HGH1: variants seen among roughly 807,000 people sequenced by gnomAD.
HGH1 encodes co-chaperone protein HGH1 homolog.
Under a neutral mutation model 31.7 loss-of-function variants are expected in HGH1, and 31 were observed. The ratio of observed to expected loss-of-function variants is 0.98; its 90% confidence interval spans 0.73 to 1.32. HGH1 has a LOEUF of 1.32. HGH1 is among the 40% of genes most tolerant of loss of function. The probability of loss-of-function intolerance (pLI) is 0.00; values close to 1 mark genes in which losing one functional copy is unlikely to be tolerated. For missense variants in HGH1, 618 were observed against 594.4 expected, an observed-to-expected ratio of 1.04 and a Z score of -0.41; for synonymous variants, 284 against 293.6, an observed-to-expected ratio of 0.97 and a Z score of 0.34.
In HGH1 at chr8:144,138,076, G is replaced by A. The variant is rs1815120240; in HGVS notation, c.241G>A (p.Ala81Thr). Residue 81 changes from alanine (A) to threonine (T), a missense_variant, in exon 1 of 6, where the codon GCC becomes ACC. By Grantham distance (58) the Ala-to-Thr change is moderately conservative. Transcript: ENST00000347708. Reference protein sequence around the residue: ...LAPASAPARDAARALVNLAAD... With the variant: ...LAPASAPARDTARALVNLAAD... ...GCCGGCCTCTGCCCCGGCCCGGGAC[G>A]CCGCCCGCGCGCTCGTGAACTTGGC... The A allele has an allele frequency of 5.3e-6, 7 of 1,313,760 alleles. No homozygotes were observed. The highest frequency in any genetic ancestry group is 4.7e-5 in the African/African-American group (3 of 63,838). 81.4% of individuals were successfully genotyped at this position (1,313,760 alleles called of 1,614,324 possible).
chr8:144,139,179 A>G lies in HGH1; in HGVS notation c.886-10A>G. 2.5e-6 allele frequency: 4 copies of G among 1,613,780 alleles called. No homozygotes were observed. The highest frequency in any genetic ancestry group is 3.4e-6 in the Non-Finnish European group (4 of 1,179,836). ...TGCTGACATCTGGGTAACCTCTTCCACCTCCTCAGCTGACAGCCACAGCAC... is the reference window on the plus strand; with the variant it reads ...TGCTGACATCTGGGTAACCTCTTCCGCCTCCTCAGCTGACAGCCACAGCAC... On this transcript the variant is annotated splice_polypyrimidine_tract_variant and intron_variant, in intron 4 of 5. Transcript: ENST00000347708.
In HGH1 at chr8:144,138,625, C is replaced by T. The variant is rs762457616; in HGVS notation, c.694+18C>T. 3 of 1,601,960 alleles carry T rather than the reference C, an allele frequency of 1.9e-6. No individual in the cohort carries two copies. The highest frequency in any genetic ancestry group is 2.2e-5 in the South Asian group (2 of 89,488). On this transcript the variant is annotated intron_variant, in intron 2 of 5. Transcript: ENST00000347708. ...CGAGCACCGTGAGTGGTGGGTGTGG[C>T]GGGGGTGCGTTGCCAGGTGTGGGGA...
intron 3 of HGH1, 35 bp from the exon 4 acceptor site, chr8:144,138,974 C>G: frequency 6.2e-7 from 1 of 1,609,772 alleles, no homozygotes; most frequent in Non-Finnish European, 8.5e-7. Context: ...CTGCCCAGCC[C>G]AGGGACACAG....
In HGH1 at chr8:144,139,203, A is replaced by G; in HGVS notation, c.900A>G (p.Ala300=). Residue 300 remains alanine, a synonymous_variant, in exon 5 of 6, where the codon GCA becomes GCG. Transcript: ENST00000347708. ...VEAIMLLTAT[A]PGRQQVRDQG... ...CACCTCCTCAGCTGACAGCCACAGCACCAGGTCGGCAGCAGGTGCGGGACC... is the reference window on the plus strand; with the variant it reads ...CACCTCCTCAGCTGACAGCCACAGCGCCAGGTCGGCAGCAGGTGCGGGACC... 6.2e-7 allele frequency: 1 copy of G among 1,613,952 alleles called. No individual in the cohort carries two copies. The highest frequency in any genetic ancestry group is 8.5e-7 in the Non-Finnish European group (1 of 1,179,856).
Position 144,139,330 on chromosome 8 carries a change from A to G in HGH1, c.1008+19A>G, listed in dbSNP as rs1815152814. ...CATCCAGGTTGGTGCAGGGTTGGAGAGGCTGGGGAAGGGGTGTCTGTAGCT... is the reference window on the plus strand; with the variant it reads ...CATCCAGGTTGGTGCAGGGTTGGAGGGGCTGGGGAAGGGGTGTCTGTAGCT... On this transcript the variant is annotated intron_variant, in intron 5 of 5. Coordinates refer to ENST00000347708, the MANE Select transcript of HGH1 (RefSeq NM_016458.4). The G allele has an allele frequency of 6.2e-7, 1 of 1,613,738 alleles. No homozygotes were observed. The highest frequency in any genetic ancestry group is 8.5e-7 in the Non-Finnish European group (1 of 1,179,826).
rs1815119059 is a variant in HGH1, at chr8:144,138,018, G to C, written c.183G>C (p.Gln61His). Residue 61 changes from glutamine to histidine, a missense_variant, in exon 1 of 6, where the codon CAG becomes CAC. Physicochemically the swap from Gln to His is conservative, Grantham distance 24. Coordinates refer to ENST00000347708, the MANE Select transcript of HGH1 (RefSeq NM_016458.4). ...CCGGCCGCGCGCTGTTGGCGGGGCA[G>C]GCGGCGCTGCTGCAGGCGCTGATGG... ...CGPGRALLAG[Q>H]AALLQALMEL... The C allele has an allele frequency of 2.3e-6, 3 of 1,307,096 alleles. No individual in the cohort carries two copies. The highest frequency in any genetic ancestry group is 9.7e-7 in the Non-Finnish European group (1 of 1,027,120). The allele number at this position is 1,307,096 out of a possible 1,614,324, so 81.0% of individuals were successfully genotyped here.
In HGH1 at chr8:144,139,661, G is replaced by T; in HGVS notation, c.*109G>T. On this transcript the variant is annotated 3_prime_UTR_variant, in exon 6 of 6. Coordinates refer to ENST00000347708, the MANE Select transcript of HGH1 (RefSeq NM_016458.4). ...CCCTGGGTCCCCTTGTTCAGAGACT[G>T]TGCTCTTCTGAGAAGCAGAGCTACG... 5.5e-6 allele frequency: 8 copies of T among 1,458,010 alleles called. No individual in the cohort carries two copies. The highest frequency in any genetic ancestry group is 7.4e-6 in the Non-Finnish European group (8 of 1,080,534). 90.3% of individuals were successfully genotyped at this position (1,458,010 alleles called of 1,614,324 possible).
Position 144,138,390 on chromosome 8 carries a change from A to G in HGH1, c.555A>G (p.Gln185=), listed in dbSNP as rs894819339. 8 of 1,586,456 alleles carry G rather than the reference A, an allele frequency of 5.0e-6. No homozygotes were observed. In the East Asian group the frequency reaches 1.1e-4, roughly 22 times the overall value. Reference sequence around the variant, plus strand: ...CGCCGCTGCTCTCCAACCTCAGCCAACGCCCTGCGGCGCGGGCCTTCCTAC... The same window carrying G: ...CGCCGCTGCTCTCCAACCTCAGCCAGCGCCCTGCGGCGCGGGCCTTCCTAC... ...YLAPLLSNLS[Q]RPAARAFLLD... The change falls in exon 1 of 6, where the codon CAA becomes CAG. Residue 185 remains glutamine, a synonymous_variant. Coordinates refer to ENST00000347708, the MANE Select transcript of HGH1 (RefSeq NM_016458.4).
At chr8:144,139,348 CTG>C (rs1371803722) in intron 5 of HGH1, 37 bp downstream of exon 5, 2 of 1,613,826 alleles carry the variant, frequency 1.2e-6, no homozygotes, top group Non-Finnish European at 1.7e-6. Flanking sequence ...GAAGGGGTGT[CTG>C]TAGCTGGCCA....
Position 144,138,063 on chromosome 8 carries a change from C to CAGGAAGG in HGH1, c.228_229insAGGAAGG (p.Pro77ArgfsTer167). The CAGGAAGG allele has an allele frequency of 1.5e-6, 2 of 1,313,086 alleles. No homozygotes were observed. The highest frequency in any genetic ancestry group is 6.6e-5 in the Admixed American group (2 of 30,086). The allele number at this position is 1,313,086 out of a possible 1,614,324, so 81.3% of individuals were successfully genotyped here. On this transcript the variant is annotated frameshift_variant, in exon 1 of 6. Coordinates refer to ENST00000347708, the MANE Select transcript of HGH1 (RefSeq NM_016458.4). LOFTEE classifies it high-confidence loss of function. Reference sequence around the variant, plus strand: ...TGATGGAGCTGGCGCCGGCCTCTGCCCCGGCCCGGGACGCCGCCCGCGCGC... The same window carrying CAGGAAGG: ...TGATGGAGCTGGCGCCGGCCTCTGCCAGGAAGGCCGGCCCGGGACGCCGCCCGCGCGC...
chr8:144,138,995 A>T lies in HGH1; in HGVS notation c.794-14A>T. The T allele has an allele frequency of 1.2e-6, 2 of 1,612,678 alleles. No homozygotes were observed. Among genetic ancestry groups the T allele is most frequent in the South Asian group, 1.1e-5 (1 of 90,938 alleles). ...AGCCCAGGGACACAGTGGCTCCCACACACTCACCCCTAGGGCTGCCTGTCG... is the reference window on the plus strand; with the variant it reads ...AGCCCAGGGACACAGTGGCTCCCACTCACTCACCCCTAGGGCTGCCTGTCG... On this transcript the variant is annotated splice_polypyrimidine_tract_variant and intron_variant, in intron 3 of 5. Coordinates refer to ENST00000347708, the MANE Select transcript of HGH1 (RefSeq NM_016458.4).
chr8:144,138,379 A>C lies in HGH1; in HGVS notation c.544A>C (p.Asn182His). ...PLHYLAPLLS[N>H]LSQRPAARAF... The stretch of plus-strand genomic sequence containing the variant: ...GCACTACCTAGCGCCGCTGCTCTCC[A>C]ACCTCAGCCAACGCCCTGCGGCGCG... The change falls in exon 1 of 6, where the codon AAC becomes CAC. Residue 182 changes from asparagine (N) to histidine (H), a missense_variant. Coordinates refer to ENST00000347708, the MANE Select transcript of HGH1 (RefSeq NM_016458.4). 1 of 1,585,102 alleles carries C rather than the reference A, an allele frequency of 6.3e-7. No homozygotes were observed. The highest frequency in any genetic ancestry group is 1.1e-5 in the South Asian group (1 of 89,134).
At position 144,137,792 on chromosome 8, in the gene HGH1, C is replaced by A; in HGVS notation, c.-44C>A. ...GCGGGCCACACAGCGGACCCCTAAGCGGACCGCTGGCACCGGTCGGGTGGC... is the reference window on the plus strand; with the variant it reads ...GCGGGCCACACAGCGGACCCCTAAGAGGACCGCTGGCACCGGTCGGGTGGC... On this transcript the variant is annotated 5_prime_UTR_variant, in exon 1 of 6. Transcript: ENST00000347708. 1 of 1,223,602 alleles carries A rather than the reference C, an allele frequency of 8.2e-7. No homozygotes were observed. Among genetic ancestry groups the A allele is most frequent in the South Asian group, 3.6e-5 (1 of 27,832 alleles). 75.8% of individuals were successfully genotyped at this position (1,223,602 alleles called of 1,614,324 possible).
Position 144,139,171 on chromosome 8 carries a change from C to T in HGH1, c.886-18C>T, listed in dbSNP as rs1336142571. ...CATGAGCATGCTGACATCTGGGTAA[C>T]CTCTTCCACCTCCTCAGCTGACAGC... On this transcript the variant is annotated intron_variant, in intron 4 of 5. Transcript: ENST00000347708. The T allele has an allele frequency of 3.1e-6, 5 of 1,613,870 alleles. No individual in the cohort carries two copies. The South Asian group carries it at 4.4e-5, about 14-fold the overall frequency.
At chr8:144,138,652 T>A in intron 2 of HGH1, 45 bp downstream of exon 2, 2 of 1,606,178 alleles carry the variant, frequency 1.2e-6, no homozygotes, top group Middle Eastern at 1.7e-4. Flanking sequence ...GTGTGGGGAC[T>A]GGACTCCGGG....
At position 144,137,797 on chromosome 8, in the gene HGH1, C is replaced by T. The variant is rs1815113330; in HGVS notation, c.-39C>T. The T allele has an allele frequency of 2.4e-6, 3 of 1,230,990 alleles. No individual in the cohort carries two copies. The highest frequency in any genetic ancestry group is 3.2e-5 in the East Asian group (1 of 31,664). The allele number at this position is 1,230,990 out of a possible 1,614,324, so 76.3% of individuals were successfully genotyped here. On this transcript the variant is annotated 5_prime_UTR_variant, in exon 1 of 6. Coordinates refer to ENST00000347708, the MANE Select transcript of HGH1 (RefSeq NM_016458.4). Reference sequence around the variant, plus strand: ...CCACACAGCGGACCCCTAAGCGGACCGCTGGCACCGGTCGGGTGGCAGCAG... The same window carrying T: ...CCACACAGCGGACCCCTAAGCGGACTGCTGGCACCGGTCGGGTGGCAGCAG...
In HGH1 at chr8:144,139,258, C is replaced by G; in HGVS notation, c.955C>G (p.His319Asp). 6.2e-7 allele frequency: 1 copy of G among 1,613,978 alleles called. No individual in the cohort carries two copies. The highest frequency in any genetic ancestry group is 8.5e-7 in the Non-Finnish European group (1 of 1,179,864). ...QGAYLILREL[H>D]SWEPEPDVRT... The stretch of plus-strand genomic sequence containing the variant: ...AGCCTACCTGATCCTTCGAGAGCTG[C>G]ACAGCTGGGAGCCGGAGCCCGACGT... Residue 319 changes from histidine (H) to aspartate (D), a missense_variant, in exon 5 of 6, where the codon CAC (histidine) becomes GAC (aspartate). Physicochemically the swap from His to Asp is moderately conservative, Grantham distance 81. Coordinates refer to ENST00000347708, the MANE Select transcript of HGH1 (RefSeq NM_016458.4).
At position 144,138,575 on chromosome 8, in the gene HGH1, T is replaced by G. The variant is rs1564329825; in HGVS notation, c.662T>G (p.Val221Gly). The G allele has an allele frequency of 1.2e-6, 2 of 1,612,462 alleles. No homozygotes were observed. The highest frequency in any genetic ancestry group is 4.5e-5 in the East Asian group (2 of 44,822). Residue 221 changes from valine (V) to glycine (G), a missense_variant, in exon 2 of 6, where the codon GTG (valine) becomes GGG (glycine). By Grantham distance (109) the Val-to-Gly change is moderately radical. Coordinates refer to ENST00000347708, the MANE Select transcript of HGH1 (RefSeq NM_016458.4). ...PDSSVRRGGV[V>G]GTLRNCCFEH... ...TCCTCTGTACGCAGGGGCGGGGTGG[T>G]GGGGACGCTGCGGAATTGCTGCTTC... is the stretch of plus-strand genomic sequence containing the variant.
chr8:144,137,874 G>A lies in HGH1; in HGVS notation c.39G>A (p.Gly13=). Residue 13 remains glycine, a synonymous_variant, in exon 1 of 6, where the codon GGG becomes GGA. Coordinates refer to ENST00000347708, the MANE Select transcript of HGH1 (RefSeq NM_016458.4). ...GGGCTGGCGCTGGCGCCTCGGGAGG[G>A]CCGGAGGCAAGCCCGGAGGCAGAGG... is the stretch of plus-strand genomic sequence containing the variant. ...EAGAGAGASG[G]PEASPEAEVV... is the part of the protein sequence containing the mutation. 7.7e-7 allele frequency: 1 copy of A among 1,300,876 alleles called. No homozygotes were observed. Among genetic ancestry groups the A allele is most frequent in the South Asian group, 2.3e-5 (1 of 44,136 alleles). 80.6% of individuals were successfully genotyped at this position (1,300,876 alleles called of 1,614,324 possible). A position where few individuals can be genotyped will look rare whatever the true frequency, so the allele number is the denominator to read the frequency against.
Sources: gnomAD v4.1 joint callset for allele counts on GRCh38, gnomAD v4.1.1 for gene constraint, MANE v1.5 for transcripts, NCBI Gene and HGNC (gene_info 2026-07-23, HGNC 2026-07-21) for gene names.